MZT2B: variants seen among roughly 807,000 people sequenced by gnomAD.
MZT2B encodes the protein mitotic-spindle organizing protein 2B.
A neutral mutation model predicts 12.1 loss-of-function variants in MZT2B; 11 were observed. That is an observed-to-expected ratio of 0.91 (90% CI 0.57 to 1.50). MZT2B has a LOEUF of 1.50. Ranked by LOEUF, MZT2B falls within the 40% of genes most tolerant of loss-of-function variation. MZT2B has a pLI of 0.00. For synonymous variants in MZT2B, 85 were observed against 109.5 expected, an observed-to-expected ratio of 0.78 and a Z score of 1.40; for missense variants, 209 against 227.7, an observed-to-expected ratio of 0.92 and a Z score of 0.53.
chr2:130,181,952 G>C (rs1039895751), upstream of MZT2B: 3 of 1,420,136 alleles, frequency 2.1e-6, no homozygotes, highest in East Asian at 6.2e-5. Flanking sequence ...CATTTACCGA[G>C]CGCCCAATGT....
downstream of MZT2B, among the ~76,000 whole-genome samples, chr2:130,193,270 A>T (rs1000227143): frequency 7.9e-5 from 12 of 151,760 alleles, no homozygotes; most frequent in Admixed American, 1.3e-4. Context: ...TAAATAAATA[A>T]AGCTCACCAC....
the MZT2B span, among the ~76,000 whole-genome samples, chr2:130,202,114 G>A: frequency 6.6e-6 from 1 of 152,074 alleles, no homozygotes; most frequent in African/African-American, 2.4e-5. Context: ...CATTTTTACT[G>A]TAAGTTATGA....
chr2:130,182,925 C>A lies in MZT2B; in HGVS notation c.319+150C>A, dbSNP rs1689830768. ...CTGCAGGGCCCATCCGTGGGCTCTG[C>A]TCCTGGGCTTCGCTGCCAGCCTTAG... On this transcript the variant is annotated intron_variant, in intron 2 of 2. Coordinates refer to ENST00000281871, the MANE Select transcript of MZT2B (RefSeq NM_025029.5). 53 of 1,110,064 alleles carry A rather than the reference C, an allele frequency of 4.8e-5. No individual in the cohort carries two copies. The South Asian group carries it at 8.0e-4, about 17-fold the overall frequency. The allele number at this position is 1,110,064 out of a possible 1,614,324, so 68.8% of individuals were successfully genotyped here. A position where few individuals can be genotyped will look rare whatever the true frequency, so the allele number is the denominator to read the frequency against.
intron 2 of MZT2B, chr2:130,183,306 G>A (rs2104958833): frequency 3.6e-6 from 1 of 277,654 alleles, no homozygotes; most frequent in Non-Finnish European, 7.0e-6. Flanking sequence ...ACCCCACCTG[G>A]GCCCAGTTCC....
chr2:130,197,781 A>AT, the MZT2B span, among the ~76,000 whole-genome samples: 37 of 122,860 alleles, frequency 3.0e-4, 7 homozygotes, highest in East Asian at 4.3e-3. Flanking sequence ...TAATTTTAGT[A>AT]TTTTTTTGTA....
the MZT2B span, among the ~76,000 whole-genome samples, chr2:130,202,725 A>T: frequency 2.1e-3 from 317 of 152,308 alleles, no homozygotes; most frequent in Admixed American, 3.1e-3. Flanking sequence ...TCTCCAGTTC[A>T]ACCCCGCAGA....
intron 2 of MZT2B, chr2:130,183,068 C>T (rs1689846994): frequency 3.7e-6 from 2 of 542,172 alleles, no homozygotes; most frequent in African/African-American, 2.0e-5. Context: ...CCTACAACGT[C>T]GGGAATCAAG....
the MZT2B span, among the ~76,000 whole-genome samples, chr2:130,198,103 C>G: frequency 4.9e-5 from 6 of 122,958 alleles, 2 homozygotes; most frequent in Non-Finnish European, 1.1e-4. Context: ...ACTATTTGCT[C>G]TCTGGGGGAC....
chr2:130,194,055 G>A (rs771470876), downstream of MZT2B: 2 of 1,614,180 alleles, frequency 1.2e-6, no homozygotes, highest in Admixed American at 1.7e-5. Context: ...TGGATGCGGG[G>A]GTACGGCACG....
upstream of MZT2B, chr2:130,182,184 G>T: frequency 7.9e-7 from 1 of 1,258,574 alleles, no homozygotes. Flanking sequence ...CGCCAGGGCA[G>T]CCCGGGAGGC....
At chr2:130,198,455 G>A in the MZT2B span, 44 of 1,308,738 alleles carry the variant, frequency 3.4e-5, 12 homozygotes, top group African/African-American at 3.2e-5. Flanking sequence ...GCCCACGCGC[G>A]CCGCACAGGA....
chr2:130,195,281 T>G (rs1297687775), downstream of MZT2B: 1 of 1,594,070 alleles, frequency 6.3e-7, no homozygotes, highest in Non-Finnish European at 8.6e-7. Flanking sequence ...CTCACCAAGA[T>G]GGACACATTC....
At chr2:130,181,769 T>C, upstream of MZT2B, 2 of 1,547,808 alleles carry the variant, frequency 1.3e-6, no homozygotes, top group Non-Finnish European at 1.7e-6. Context: ...TGAATGCGCC[T>C]GCGTTGTGGC....
the MZT2B span, among the ~76,000 whole-genome samples, chr2:130,200,594 A>G: frequency 8.1e-4 from 123 of 152,304 alleles, no homozygotes; most frequent in Non-Finnish European, 6.2e-4. Flanking sequence ...CACACCTCAC[A>G]TAACTCAAAG....
intron 2 of MZT2B, chr2:130,183,108 G>A: frequency 8.5e-6 from 4 of 468,598 alleles, no homozygotes; most frequent in Non-Finnish European, 1.5e-5. Flanking sequence ...CCTGGCTCAC[G>A]CCTATAATCT....
At chr2:130,190,925 G>A (rs1690244598), downstream of MZT2B, among the ~76,000 whole-genome samples, 1 of 151,972 alleles carries the variant, frequency 6.6e-6, no homozygotes, top group African/African-American at 2.4e-5. Flanking sequence ...ACGTCAACAA[G>A]CTTCACTTGA....
At position 130,190,628 on chromosome 2, in the gene MZT2B, A is replaced by T; in HGVS notation, c.*2A>T. 1 of 1,601,910 alleles carries T rather than the reference A, an allele frequency of 6.2e-7. No homozygotes were observed. The highest frequency in any genetic ancestry group is 1.1e-5 in the South Asian group (1 of 90,762). On this transcript the variant is annotated 3_prime_UTR_variant, in exon 3 of 3. Transcript: ENST00000281871. The stretch of plus-strand genomic sequence containing the variant: ...AGCCCTACACGGGGCAGCACCTAGG[A>T]TGGGGCAGAGACTTGTTGCATCTTT...
chr2:130,197,841 C>T, the MZT2B span, among the ~76,000 whole-genome samples: 1 of 124,684 alleles, frequency 8.0e-6, no homozygotes, highest in African/African-American at 2.8e-5. Context: ...CTCCAGACAT[C>T]AGGGGATCCG....
Position 130,182,460 on chromosome 2 carries a change from G to A in MZT2B, c.170+8G>A. ...CGACCCCGACGTGTTCAAGTGAGCG[G>A]GGCGGGTGGGGGCCGCATGCTAGCC... is the stretch of plus-strand genomic sequence containing the variant. On this transcript the variant is annotated splice_region_variant and intron_variant, in intron 1 of 2. Coordinates refer to ENST00000281871, the MANE Select transcript of MZT2B (RefSeq NM_025029.5). The A allele has an allele frequency of 1.9e-6, 3 of 1,546,584 alleles. No individual in the cohort carries two copies. The highest frequency in any genetic ancestry group is 1.4e-5 in the African/African-American group (1 of 73,208).
Sources: allele counts gnomAD v4.1 joint callset (sites outside exome capture counted in the v4.1 genomes callset), GRCh38; gene constraint gnomAD v4.1.1; transcripts MANE v1.5; gene names NCBI Gene and HGNC (gene_info 2026-07-23, HGNC 2026-07-21).